The following PTP4A3 variants were observed in gnomAD, a reference collection of about 807,000 sequenced individuals.
PTP4A3 encodes the protein protein tyrosine phosphatase type IVA 3.
Under a neutral mutation model 15.2 loss-of-function variants are expected in PTP4A3, and 9 were observed. The observed-to-expected ratio is 0.59, with a 90% CI of 0.36 to 1.03. PTP4A3 has a LOEUF of 1.03. PTP4A3 is among the 50% of genes least tolerant of loss of function. PTP4A3 has a pLI of 0.02. For synonymous variants in PTP4A3, 95 were observed against 102.0 expected, an observed-to-expected ratio of 0.93 and a Z score of 0.41; for missense variants, 234 against 252.1, an observed-to-expected ratio of 0.93 and a Z score of 0.49.
rs117579461 is a variant in PTP4A3, at chr8:141,422,943, G to C, written c.105+598G>C. Reference sequence around the variant, plus strand: ...CTTTCTTGGGAGTGGAGTCTGGAGCGACCTGCATGGCCTCCTGGAGGAGCC... The same window carrying C: ...CTTTCTTGGGAGTGGAGTCTGGAGCCACCTGCATGGCCTCCTGGAGGAGCC... On this transcript the variant is annotated intron_variant, in intron 2 of 5. Transcript: ENST00000521578. 2.2e-3 allele frequency among the ~76,000 whole-genome samples: 329 copies of C among 152,352 alleles called. 10 individuals are homozygous for C. The highest frequency in any genetic ancestry group is 0.019 in the South Asian group (94 of 4,828).
At chr8:141,412,807 G>C (rs1262060020) in intron 1 of PTP4A3, among the ~76,000 whole-genome samples, 1 of 152,202 alleles carries the variant, frequency 6.6e-6, no homozygotes, top group Non-Finnish European at 1.5e-5. Context: ...TTCTCATGTT[G>C]TGTGGGTGAC....
chr8:141,400,840 T>C (rs1042699655), intron 1 of PTP4A3, among the ~76,000 whole-genome samples: 1 of 152,018 alleles, frequency 6.6e-6, no homozygotes, highest in African/African-American at 2.4e-5. Context: ...AGAAATCCCA[T>C]GGGTGAGTAG....
intron 1 of PTP4A3, among the ~76,000 whole-genome samples, chr8:141,402,662 C>A (rs949082808): frequency 1.3e-5 from 2 of 152,082 alleles, no homozygotes; most frequent in Admixed American, 6.5e-5. Context: ...ATTGGCCCTT[C>A]CGCCTCTGGC....
At chr8:141,397,356 TGAATGGAGCCCCCG>T (rs1832477679) in intron 1 of PTP4A3, among the ~76,000 whole-genome samples, 1 of 151,948 alleles carries the variant, frequency 6.6e-6, no homozygotes, top group Non-Finnish European at 1.5e-5. Context: ...CCCAGTGACC[TGAATGGAGCCCCCG>T]GGTGGGCTGA....
chr8:141,413,113 T>C (rs1832912792), intron 1 of PTP4A3, among the ~76,000 whole-genome samples: 1 of 152,134 alleles, frequency 6.6e-6, no homozygotes, highest in South Asian at 2.1e-4. Flanking sequence ...CTGCTGAGGG[T>C]CCACTGGTGT....
In PTP4A3 at chr8:141,431,130, C is replaced by T. The variant is rs1257462913; in HGVS notation, c.*86C>T. ...CCCTGCCCAGCCCTGCTCTGCCCAGCCCAGCAGGGGCTCCAGGCCTTGGCT... is the reference window on the plus strand; with the variant it reads ...CCCTGCCCAGCCCTGCTCTGCCCAGTCCAGCAGGGGCTCCAGGCCTTGGCT... On this transcript the variant is annotated 3_prime_UTR_variant, in exon 6 of 6. Transcript: ENST00000521578. 1 of 1,308,974 alleles carries T rather than the reference C, an allele frequency of 7.6e-7. No homozygotes were observed. The highest frequency in any genetic ancestry group is 1.5e-5 in the African/African-American group (1 of 67,556). 81.1% of individuals were successfully genotyped at this position (1,308,974 alleles called of 1,614,324 possible).
intron 3 of PTP4A3, chr8:141,426,447 C>A (rs914092235): frequency 1.0e-6 from 1 of 985,328 alleles, no homozygotes; most frequent in African/African-American, 1.7e-5. Flanking sequence ...CCCTGTCTCG[C>A]CCCACAGCCC....
intron 1 of PTP4A3, among the ~76,000 whole-genome samples, chr8:141,419,541 C>T (rs1011572434): frequency 2.0e-5 from 3 of 151,468 alleles, no homozygotes; most frequent in South Asian, 2.1e-4. Context: ...TCCACCTTTA[C>T]CTCCTTCTGG....
intron 1 of PTP4A3, among the ~76,000 whole-genome samples, chr8:141,414,297 C>G (rs2129973835): frequency 6.6e-6 from 1 of 152,312 alleles, no homozygotes; most frequent in African/African-American, 2.4e-5. Flanking sequence ...CAATAATCCC[C>G]TGAGATTTGT....
chr8:141,414,829 G>A (rs1471137745), intron 1 of PTP4A3, among the ~76,000 whole-genome samples: 1 of 152,060 alleles, frequency 6.6e-6, no homozygotes, highest in East Asian at 1.9e-4. Context: ...TCCTTTCCAG[G>A]GTGAGGTACG....
intron 5 of PTP4A3, 59 bp downstream of exon 5, chr8:141,427,883 C>A: frequency 6.8e-7 from 1 of 1,465,616 alleles, no homozygotes; most frequent in Non-Finnish European, 9.3e-7. Context: ...GATCCGGCTG[C>A]CCACGAAGGG....
intron 1 of PTP4A3, among the ~76,000 whole-genome samples, chr8:141,397,440 G>T (rs77069207): frequency 0.012 from 1,812 of 152,360 alleles, 39 homozygotes; most frequent in African/African-American, 0.041. Flanking sequence ...CAGGAGTCCT[G>T]CTGGGAAGGG....
At chr8:141,415,033 G>A (rs1290189049) in intron 1 of PTP4A3, among the ~76,000 whole-genome samples, 1 of 151,980 alleles carries the variant, frequency 6.6e-6, no homozygotes, top group Admixed American at 6.5e-5. Flanking sequence ...GGGCCTGGGT[G>A]GGGTCCACTG....
At chr8:141,426,714 G>GT in intron 3 of PTP4A3, 1 of 969,130 alleles carries the variant, frequency 1.0e-6, no homozygotes, top group Non-Finnish European at 1.2e-6. Context: ...CTGGAGGAGG[G>GT]GATAGCTGCA....
At chr8:141,398,215 C>T (rs1391843768) in intron 1 of PTP4A3, among the ~76,000 whole-genome samples, 1 of 152,212 alleles carries the variant, frequency 6.6e-6, no homozygotes, top group Non-Finnish European at 1.5e-5. Context: ...CTAGGTGACC[C>T]TCAGAGGTGG....
intron 1 of PTP4A3, among the ~76,000 whole-genome samples, chr8:141,403,855 C>T (rs889557275): frequency 6.6e-6 from 1 of 152,268 alleles, no homozygotes; most frequent in Non-Finnish European, 1.5e-5. Context: ...TGTATTGCCA[C>T]GCATTCGTCT....
At position 141,401,080 on chromosome 8, in the gene PTP4A3, A is replaced by T. The variant is rs940003272; in HGVS notation, c.-854+8996A>T. Among the ~76,000 whole-genome samples the T allele has an allele frequency of 2.0e-5, 3 of 152,248 alleles. No homozygotes were observed. In the South Asian group the frequency reaches 6.2e-4, roughly 32 times the overall value. On this transcript the variant is annotated intron_variant, in intron 1 of 5. Transcript: ENST00000521578. ...CATCACTCTTAATGGCACCGTCGCG[A>T]GCCTCTTCTGGGCCAGCAGCCGGAG...
chr8:141,428,849 C>G (rs1022996883), intron 5 of PTP4A3, among the ~76,000 whole-genome samples: 1 of 152,216 alleles, frequency 6.6e-6, no homozygotes. Flanking sequence ...TACAGACAAG[C>G]GGGTATTTGC....
At chr8:141,429,494 C>A (rs546959429) in intron 5 of PTP4A3, among the ~76,000 whole-genome samples, 1 of 149,618 alleles carries the variant, frequency 6.7e-6, no homozygotes, top group African/African-American at 2.5e-5. Context: ...GGTGGCGGGG[C>A]AGGGTGAGCA....
Sources: gnomAD v4.1 joint callset for allele counts (sites outside exome capture counted in the v4.1 genomes callset) on GRCh38, gnomAD v4.1.1 for gene constraint, MANE v1.5 for transcripts, NCBI Gene and HGNC (gene_info 2026-07-23, HGNC 2026-07-21) for gene names.